Variants in EPS15 observed in about 807,000 individuals in gnomAD.
EPS15 encodes the protein epidermal growth factor receptor substrate 15.
A neutral mutation model predicts 113.8 loss-of-function variants in EPS15; 72 were observed. The observed-to-expected ratio is 0.63, with a 90% CI of 0.52 to 0.77. The LOEUF is 0.77. Among genes scored for constraint, EPS15 ranks in the 30% least tolerant of loss-of-function variants. The probability of loss-of-function intolerance (pLI) is 0.00; values close to 1 mark genes in which losing one functional copy is unlikely to be tolerated. For missense variants in EPS15, 1,048 were observed against 1,045.8 expected, an observed-to-expected ratio of 1.00 and a Z score of -0.03; for synonymous variants, 344 against 363.4, an observed-to-expected ratio of 0.95 and a Z score of 0.61.
At chr1:51,379,775 G>A (rs1646894750) in intron 21 of EPS15, among the ~76,000 whole-genome samples, 1 of 151,062 alleles carries the variant, frequency 6.6e-6, no homozygotes, top group African/African-American at 2.4e-5. Context: ...AAATTAGTGA[G>A]GCATGGCTGG....
intron 8 of EPS15, among the ~76,000 whole-genome samples, chr1:51,450,368 C>G (rs1437531075): frequency 6.6e-6 from 1 of 151,830 alleles, no homozygotes; most frequent in Non-Finnish European, 1.5e-5. Context: ...GCTCCAGCAT[C>G]TGCCTCTCAT....
Position 51,409,540 on chromosome 1 carries a change from G to C in EPS15, c.1270C>G (p.Gln424Glu). ...AGGAAACAGCCAGACATTACCAGTTGGGCCTCCTCAGCACATTTCTTTCTG... is the reference window on the plus strand; with the variant it reads ...AGGAAACAGCCAGACATTACCAGTTCGGCCTCCTCAGCACATTTCTTTCTG... ...EVRKKCAEEAQLISSLKAELT... is the reference protein window; with the variant it reads ...EVRKKCAEEAELISSLKAELT... The change falls in exon 14 of 25, where the codon CAA becomes GAA. Residue 424 changes from glutamine (Q) to glutamate (E), a missense_variant. Transcript: ENST00000371733. 6.2e-7 allele frequency: 1 copy of C among 1,608,736 alleles called. No homozygotes were observed. Among genetic ancestry groups the C allele is most frequent in the Non-Finnish European group, 8.5e-7 (1 of 1,178,648 alleles).
chr1:51,421,870 G>C lies in EPS15; in HGVS notation c.1041-12C>G. On this transcript the variant is annotated splice_polypyrimidine_tract_variant and intron_variant, in intron 12 of 24. Transcript: ENST00000371733. ...CATTATTCTTTTCCCTAGAAGACCA[G>C]CAAACAATGCAAGAATATTTTAGAA... 6.2e-7 allele frequency: 1 copy of C among 1,611,148 alleles called. No individual in the cohort carries two copies. Among genetic ancestry groups the C allele is most frequent in the Non-Finnish European group, 8.5e-7 (1 of 1,178,214 alleles).
intron 21 of EPS15, among the ~76,000 whole-genome samples, chr1:51,383,228 C>T (rs1398007270): frequency 1.3e-5 from 2 of 152,186 alleles, no homozygotes; most frequent in Non-Finnish European, 2.9e-5. Context: ...AGGAAAACTA[C>T]CTCAACTTAA....
chr1:51,412,844 C>G (rs1649861691), intron 13 of EPS15, among the ~76,000 whole-genome samples: 1 of 152,180 alleles, frequency 6.6e-6, no homozygotes, highest in African/African-American at 2.4e-5. Flanking sequence ...ATTATTTTAG[C>G]TTTCATCGTT....
chr1:51,440,504 T>C (rs1255522654), intron 11 of EPS15, 72 bp from the exon 12 acceptor site: 1 of 633,840 alleles, frequency 1.6e-6, no homozygotes, highest in Non-Finnish European at 2.6e-6. Flanking sequence ...CTAAAAATAT[T>C]AAAGCTCTAC....
At chr1:51,390,262 A>G (rs1478052057) in intron 21 of EPS15, among the ~76,000 whole-genome samples, 1 of 152,162 alleles carries the variant, frequency 6.6e-6, no homozygotes, top group Non-Finnish European at 1.5e-5. Flanking sequence ...GGCTAGCCAT[A>G]TGTAGAAAGC....
intron 15 of EPS15, among the ~76,000 whole-genome samples, chr1:51,407,171 A>G (rs1182102636): frequency 1.3e-5 from 2 of 151,928 alleles, no homozygotes; most frequent in East Asian, 3.9e-4. Context: ...AATCAACTCC[A>G]TGATCTCTGT....
At chr1:51,434,249 T>C (rs1161738489) in intron 12 of EPS15, among the ~76,000 whole-genome samples, 1 of 152,204 alleles carries the variant, frequency 6.6e-6, no homozygotes, top group Non-Finnish European at 1.5e-5. Flanking sequence ...TATGTTCATG[T>C]TCATAGCAGC....
intron 21 of EPS15, among the ~76,000 whole-genome samples, chr1:51,390,416 A>G (rs989973881): frequency 1.3e-5 from 2 of 152,208 alleles, no homozygotes; most frequent in African/African-American, 4.8e-5. Flanking sequence ...CAAGGACTTC[A>G]TGTCTAAAAC....
intron 23 of EPS15, among the ~76,000 whole-genome samples, chr1:51,362,046 T>A (rs1345003859): frequency 1.3e-5 from 2 of 152,194 alleles, no homozygotes; most frequent in Non-Finnish European, 2.9e-5. Context: ...TTCAAACAAG[T>A]TCTCTAAGTC....
chr1:51,415,838 C>A (rs1201740699), intron 13 of EPS15, among the ~76,000 whole-genome samples: 75 of 118,438 alleles, frequency 6.3e-4, no homozygotes, highest in Admixed American at 1.9e-3. Context: ...AAAATTCCAA[C>A]ACTAAACTAC....
chr1:51,456,834 T>C (rs1043775911), intron 8 of EPS15, among the ~76,000 whole-genome samples: 4 of 152,092 alleles, frequency 2.6e-5, no homozygotes, highest in Non-Finnish European at 5.9e-5. Context: ...AGTAAAAGGA[T>C]AAAGAAAGAT....
intron 12 of EPS15, among the ~76,000 whole-genome samples, chr1:51,423,923 G>A (rs149973094): frequency 6.6e-6 from 1 of 152,216 alleles, no homozygotes; most frequent in African/African-American, 2.4e-5. Flanking sequence ...ATAATTTGGG[G>A]TCTATGGGGG....
At chr1:51,473,170 A>G (rs1655366125) in intron 2 of EPS15, among the ~76,000 whole-genome samples, 1 of 152,190 alleles carries the variant, frequency 6.6e-6, no homozygotes, top group East Asian at 1.9e-4. Flanking sequence ...ATCATGCCCT[A>G]CCATACAAAT....
chr1:51,502,407 G>C (rs1644429014), intron 1 of EPS15, among the ~76,000 whole-genome samples: 1 of 152,092 alleles, frequency 6.6e-6, no homozygotes, highest in Admixed American at 6.5e-5. Context: ...TTGAGGTATT[G>C]ATTATACATA....
intron 21 of EPS15, among the ~76,000 whole-genome samples, chr1:51,390,960 C>G (rs1647291286): frequency 1.3e-5 from 2 of 152,226 alleles, no homozygotes; most frequent in Admixed American, 1.3e-4. Context: ...CATCCCATTA[C>G]TGGGTATATA....
chr1:51,512,754 A>G (rs184667038), intron 1 of EPS15, among the ~76,000 whole-genome samples: 1 of 152,300 alleles, frequency 6.6e-6, no homozygotes, highest in East Asian at 1.9e-4. Context: ...TGGACTGACA[A>G]TAATATACAT....
rs1193440399 is a variant in EPS15, at chr1:51,355,245, A to G, written c.*1455T>C. 2 of 219,508 alleles carry G rather than the reference A, an allele frequency of 9.1e-6. No homozygotes were observed. Among genetic ancestry groups the G allele is most frequent in the Non-Finnish European group, 1.8e-5 (2 of 109,368 alleles). 13.6% of individuals were successfully genotyped at this position (219,508 alleles called of 1,614,324 possible). A position where few individuals can be genotyped will look rare whatever the true frequency, so the allele number is the denominator to read the frequency against. On this transcript the variant is annotated 3_prime_UTR_variant, in exon 25 of 25. Transcript: ENST00000371733. ...ACCATTTCAAGAAGAAATGAATTGG[A>G]TATTTTGGAATTTATTTATAGGCTA... is the stretch of plus-strand genomic sequence containing the variant.
Sources: allele counts gnomAD v4.1 joint callset (sites outside exome capture counted in the v4.1 genomes callset), GRCh38; gene constraint gnomAD v4.1.1; transcripts MANE v1.5; gene names NCBI Gene and HGNC (gene_info 2026-07-23, HGNC 2026-07-21).